The following SPATA9 variants were observed in gnomAD, a reference collection of about 807,000 sequenced individuals.
The protein encoded by SPATA9 is spermatogenesis-associated protein 9.
SPATA9 carries 27 observed loss-of-function variants against 25.5 expected under a neutral mutation model. The ratio of observed to expected loss-of-function variants is 1.06; its 90% confidence interval spans 0.78 to 1.46. The LOEUF is 1.46. Among genes scored for constraint, SPATA9 ranks in the 40% most tolerant of loss-of-function variants. The pLI, the probability that SPATA9 is intolerant of heterozygous loss-of-function variation, is 0.00. For missense variants in SPATA9, 282 were observed against 297.5 expected (o/e 0.95, Z 0.38); for synonymous variants, 102 against 105.7 (o/e 0.97, Z 0.21).
the SPATA9 span, among the ~76,000 whole-genome samples, chr5:95,716,234 T>C: frequency 4.0e-5 from 6 of 151,830 alleles, no homozygotes; most frequent in South Asian, 2.1e-4. Context: ...TCCGTGCACC[T>C]AGAAAAGCCA....
chr5:95,669,723 C>T lies in SPATA9; in HGVS notation c.379-5675G>A, dbSNP rs76431199. Among the ~76,000 whole-genome samples, 14 of 152,204 alleles carry T rather than the reference C, an allele frequency of 9.2e-5. No individual in the cohort carries two copies. In the East Asian group the frequency reaches 2.5e-3, roughly 27 times the overall value. On this transcript the variant is annotated intron_variant, in intron 3 of 4. Coordinates refer to ENST00000274432, the MANE Select transcript of SPATA9 (RefSeq NM_031952.4). ...TCTTGGCTGAAGTCAGCATTCAAGG[C>T]GATTATCTAGGTCACTGCAGCCTAG...
intron 2 of SPATA9, among the ~76,000 whole-genome samples, chr5:95,677,748 T>G (rs1193747479): frequency 6.6e-6 from 1 of 152,200 alleles, no homozygotes; most frequent in East Asian, 1.9e-4. Flanking sequence ...GTAGTATATA[T>G]GGTTAAGTAC....
At chr5:95,674,618 A>G in intron 3 of SPATA9, 1 of 288,384 alleles carries the variant, frequency 3.5e-6, no homozygotes, top group South Asian at 3.0e-5. Context: ...TAATGGAGTC[A>G]AGACAGAAAG....
At chr5:95,654,978 C>T (rs1006577878), downstream of SPATA9, among the ~76,000 whole-genome samples, 7 of 151,948 alleles carry the variant, frequency 4.6e-5, no homozygotes, top group South Asian at 2.1e-4. Flanking sequence ...TGAGGAGGAA[C>T]GGGGGAAGTT....
At chr5:95,715,904 G>A in the SPATA9 span, among the ~76,000 whole-genome samples, 1 of 152,158 alleles carries the variant, frequency 6.6e-6, no homozygotes, top group Non-Finnish European at 1.5e-5. Context: ...TGTAAAATAC[G>A]GACAAAAGAT....
At chr5:95,695,072 T>C (rs568969876) in intron 1 of SPATA9, among the ~76,000 whole-genome samples, 87 of 152,360 alleles carry the variant, frequency 5.7e-4, no homozygotes, top group Non-Finnish European at 9.8e-4. Flanking sequence ...ATGAAGTCTT[T>C]ATACCACATC....
chr5:95,659,974 G>A (rs757739845), intron 4 of SPATA9, among the ~76,000 whole-genome samples: 35 of 152,224 alleles, frequency 2.3e-4, no homozygotes, highest in Non-Finnish European at 4.7e-4. Context: ...ATAGTATTGT[G>A]ATGCTTGATC....
chr5:95,728,196 T>G, the SPATA9 span, among the ~76,000 whole-genome samples: 2 of 152,176 alleles, frequency 1.3e-5, no homozygotes, highest in African/African-American at 4.8e-5. Flanking sequence ...GATACTCAAT[T>G]TGTAGCTTAA....
the SPATA9 span, chr5:95,731,096 A>T: frequency 9.0e-7 from 1 of 1,109,858 alleles, no homozygotes; most frequent in Non-Finnish European, 1.1e-6. Context: ...GGCGGCTGGG[A>T]GCTCTCGGGC....
downstream of SPATA9, chr5:95,654,181 A>G (rs762335648): frequency 6.2e-7 from 1 of 1,613,014 alleles, no homozygotes; most frequent in Non-Finnish European, 8.5e-7. Context: ...ATGATAGAGA[A>G]GTGGTCATTT....
the SPATA9 span, among the ~76,000 whole-genome samples, chr5:95,714,962 C>T: frequency 1.3e-5 from 2 of 152,228 alleles, no homozygotes; most frequent in Non-Finnish European, 1.5e-5. Flanking sequence ...AATTCATAGA[C>T]TTAATGCAAT....
intron 2 of SPATA9, among the ~76,000 whole-genome samples, chr5:95,680,372 A>G (rs1334439301): frequency 6.6e-6 from 1 of 152,122 alleles, no homozygotes; most frequent in Admixed American, 6.5e-5. Context: ...GGTAACTAAA[A>G]TTTTTTCCAC....
chr5:95,665,885 C>G (rs1251743657), intron 3 of SPATA9, among the ~76,000 whole-genome samples: 1 of 151,930 alleles, frequency 6.6e-6, no homozygotes. Flanking sequence ...AGGACAATCG[C>G]TTGAATCTGG....
At position 95,673,363 on chromosome 5, in the gene SPATA9, G is replaced by T. The variant is rs138835927; in HGVS notation, c.378+2049C>A. ...ACCATGTGTTCGTGACCCAAGGCTC[G>T]TTGTGTGTGTGTTTGTGTGTGTGTG... On this transcript the variant is annotated intron_variant, in intron 3 of 4. Coordinates refer to ENST00000274432, the MANE Select transcript of SPATA9 (RefSeq NM_031952.4). 2.5e-3 allele frequency among the ~76,000 whole-genome samples: 314 copies of T among 127,918 alleles called. 1 individual carries two copies. The highest frequency in any genetic ancestry group is 9.0e-3 in the African/African-American group (285 of 31,770). 83.9% of individuals were successfully genotyped at this position (127,918 alleles called of 152,430 possible). A position where few individuals can be genotyped will look rare whatever the true frequency, so the allele number is the denominator to read the frequency against.
At chr5:95,693,229 C>G (rs139325950) in intron 1 of SPATA9, among the ~76,000 whole-genome samples, 1 of 152,296 alleles carries the variant, frequency 6.6e-6, no homozygotes, top group East Asian at 1.9e-4. Context: ...ATCACTGCTT[C>G]CAAACCTAGA....
At chr5:95,668,706 T>G (rs1452889957) in intron 3 of SPATA9, among the ~76,000 whole-genome samples, 2 of 152,366 alleles carry the variant, frequency 1.3e-5, no homozygotes, top group East Asian at 3.9e-4. Context: ...ATATGGATAT[T>G]TGAGCAGTAA....
chr5:95,731,840 G>A, the SPATA9 span: 2 of 1,605,950 alleles, frequency 1.2e-6, no homozygotes, highest in Non-Finnish European at 1.7e-6. Context: ...TTCTCCCCTC[G>A]CCCCCTCTGT....
intron 3 of SPATA9, chr5:95,674,617 C>T: frequency 3.5e-6 from 1 of 285,766 alleles, no homozygotes; most frequent in Non-Finnish European, 7.0e-6. Flanking sequence ...ATAATGGAGT[C>T]AAGACAGAAA....
chr5:95,731,003 G>C, the SPATA9 span: 2 of 668,786 alleles, frequency 3.0e-6, no homozygotes, highest in Non-Finnish European at 4.6e-6. Flanking sequence ...AGTCCGGAGT[G>C]AGCGGGGGCC....
Sources: allele counts gnomAD v4.1 joint callset (sites outside exome capture counted in the v4.1 genomes callset), GRCh38; gene constraint gnomAD v4.1.1; transcripts MANE v1.5; gene names NCBI Gene and HGNC (gene_info 2026-07-23, HGNC 2026-07-21).